Variants in LGALS8 observed in about 807,000 individuals in gnomAD.
The protein encoded by LGALS8 is galectin 8, also known as galectin-8.
Under a neutral mutation model 35.9 loss-of-function variants are expected in LGALS8, and 30 were observed. The ratio of observed to expected loss-of-function variants is 0.83; its 90% confidence interval spans 0.62 to 1.13. The LOEUF (loss-of-function observed/expected upper bound fraction) is 1.13, where lower values mean the gene tolerates loss of function less well. Ranked by LOEUF, LGALS8 falls within the 50% of genes most tolerant of loss-of-function variation. The pLI, the probability that LGALS8 is intolerant of heterozygous loss-of-function variation, is 0.00. For missense variants in LGALS8, 366 were observed against 388.7 expected (o/e 0.94, Z 0.49); for synonymous variants, 138 against 136.1 (o/e 1.01, Z -0.10).
rs1032454879 is a variant in LGALS8, at chr1:236,551,367, C to T, written c.*3206C>T. 9.6e-5 allele frequency: 18 copies of T among 186,702 alleles called. No individual in the cohort carries two copies. Among genetic ancestry groups the T allele is most frequent in the Non-Finnish European group, 1.3e-4 (12 of 90,920 alleles). The allele number at this position is 186,702 out of a possible 1,614,324, so 11.6% of individuals were successfully genotyped here. On this transcript the variant is annotated 3_prime_UTR_variant, in exon 10 of 10. Transcript: ENST00000366584. Reference sequence around the variant, plus strand: ...CTGATCTACTTGCTCCACCACCCCTCCCTTAATAATAACATTTACTGTTAT... The same window carrying T: ...CTGATCTACTTGCTCCACCACCCCTTCCTTAATAATAACATTTACTGTTAT...
upstream of LGALS8, among the ~76,000 whole-genome samples, chr1:236,520,380 A>T (rs1660517050): frequency 1.2e-4 from 1 of 8,196 alleles, no homozygotes; most frequent in East Asian, 0.12. Flanking sequence ...CTTCTCTTTA[A>T]AAAAAAAAAA....
chr1:236,550,848 AAT>A lies in LGALS8; in HGVS notation c.*2690_*2691del. 1 of 1,390,350 alleles carries A rather than the reference AAT, an allele frequency of 7.2e-7. No individual in the cohort carries two copies. The highest frequency in any genetic ancestry group is 9.9e-7 in the Non-Finnish European group (1 of 1,010,076). 86.1% of individuals were successfully genotyped at this position (1,390,350 alleles called of 1,614,324 possible). On this transcript the variant is annotated 3_prime_UTR_variant, in exon 10 of 10. Coordinates refer to ENST00000366584, the MANE Select transcript of LGALS8 (RefSeq NM_201544.4). ...ATGGCACCCAACACCCAAAAATAAA[AAT>A]ATGAAATATGAGTGTGAACTCTGAG...
intron 4 of LGALS8, chr1:236,540,284 G>A (rs1661887114): frequency 3.2e-6 from 1 of 307,908 alleles, no homozygotes. Context: ...TCACATGTAT[G>A]CAGAGGCGCA....
chr1:236,548,427 A>G lies in LGALS8; in HGVS notation c.*266A>G. 1 of 456,970 alleles carries G rather than the reference A, an allele frequency of 2.2e-6. No homozygotes were observed. Among genetic ancestry groups the G allele is most frequent in the Non-Finnish European group, 3.9e-6 (1 of 253,534 alleles). The allele number at this position is 456,970 out of a possible 1,614,324, so 28.3% of individuals were successfully genotyped here. On this transcript the variant is annotated 3_prime_UTR_variant, in exon 10 of 10. Transcript: ENST00000366584. Reference sequence around the variant, plus strand: ...CTTTGGCTGACTCTTCAAGAATGCCATTCAACAAGTATTTATGGAGTACCT... The same window carrying G: ...CTTTGGCTGACTCTTCAAGAATGCCGTTCAACAAGTATTTATGGAGTACCT...
chr1:236,543,747 T>A, intron 8 of LGALS8, 99 bp downstream of exon 8: 1 of 789,176 alleles, frequency 1.3e-6, no homozygotes, highest in Non-Finnish European at 2.2e-6. Flanking sequence ...AGGGCTAGCG[T>A]CAGAATCTTC....
In LGALS8 at chr1:236,551,793, G is replaced by A. The variant is rs1025880123; in HGVS notation, c.*3632G>A. 1 of 529,382 alleles carries A rather than the reference G, an allele frequency of 1.9e-6. No homozygotes were observed. Among genetic ancestry groups the A allele is most frequent in the African/African-American group, 1.9e-5 (1 of 51,890 alleles). 32.8% of individuals were successfully genotyped at this position (529,382 alleles called of 1,614,324 possible). A position where few individuals can be genotyped will look rare whatever the true frequency, so the allele number is the denominator to read the frequency against. On this transcript the variant is annotated 3_prime_UTR_variant, in exon 10 of 10. Transcript: ENST00000366584. Reference sequence around the variant, plus strand: ...ACGGACTCTCAAATGATCAGGAGGTGGTCACTTCGCAACTTGCTCCCTCCA... The same window carrying A: ...ACGGACTCTCAAATGATCAGGAGGTAGTCACTTCGCAACTTGCTCCCTCCA...
chr1:236,527,269 A>G (rs965479160), intron 2 of LGALS8, among the ~76,000 whole-genome samples: 1 of 152,180 alleles, frequency 6.6e-6, no homozygotes, highest in South Asian at 2.1e-4. Flanking sequence ...AAATTCGTGC[A>G]TATCTTGATT....
intron 5 of LGALS8, 75 bp from the exon 6 acceptor site, chr1:236,541,579 T>A: frequency 1.5e-6 from 1 of 653,742 alleles, no homozygotes; most frequent in Non-Finnish European, 2.5e-6. Context: ...ATAATTTTTT[T>A]ATATGTCAAT....
chr1:236,529,557 G>A (rs1213908750), intron 2 of LGALS8, among the ~76,000 whole-genome samples: 1 of 149,862 alleles, frequency 6.7e-6, no homozygotes, highest in Admixed American at 6.6e-5. Flanking sequence ...ACTGCATCCT[G>A]GGCGACAGAG....
chr1:236,527,743 T>A (rs889737487), intron 2 of LGALS8, among the ~76,000 whole-genome samples: 9 of 143,292 alleles, frequency 6.3e-5, no homozygotes, highest in East Asian at 2.1e-4. Context: ...TTTTTTTTTT[T>A]TAATTTTTTG....
intron 8 of LGALS8, among the ~76,000 whole-genome samples, chr1:236,544,516 C>T (rs1124907): frequency 0.61 from 92,854 of 151,882 alleles, 29,272 homozygotes; most frequent in Non-Finnish European, 0.69. Context: ...TCAGCCTCAA[C>T]GCTGATTTTA....
chr1:236,544,655 C>G lies in LGALS8; in HGVS notation c.639-95C>G, dbSNP rs1572018479. 17 of 899,436 alleles carry G rather than the reference C, an allele frequency of 1.9e-5. No homozygotes were observed. The East Asian group carries it at 4.3e-4, about 23-fold the overall frequency. 55.7% of individuals were successfully genotyped at this position (899,436 alleles called of 1,614,324 possible). On this transcript the variant is annotated intron_variant, in intron 8 of 9. Coordinates refer to ENST00000366584, the MANE Select transcript of LGALS8 (RefSeq NM_201544.4). ...TACGTGTGTTTCATAGAGTTAGAAT[C>G]ATAGTTCAAGTCTGGTCACTAACAT...
At position 236,537,560 on chromosome 1, in the gene LGALS8, G is replaced by T. The variant is rs1287895089; in HGVS notation, c.109G>T (p.Gly37Trp). 2 of 1,603,560 alleles carry T rather than the reference G, an allele frequency of 1.2e-6. No individual in the cohort carries two copies. Among genetic ancestry groups the T allele is most frequent in the Non-Finnish European group, 1.7e-6 (2 of 1,170,130 alleles). Residue 37 changes from glycine to tryptophan, a missense_variant, in exon 3 of 10, where the codon GGG (glycine) becomes TGG (tryptophan). Coordinates refer to ENST00000366584, the MANE Select transcript of LGALS8 (RefSeq NM_201544.4). Reference protein sequence around the residue: ...LDPGTLIVIRGHVPSDADRFQ... With the variant: ...LDPGTLIVIRWHVPSDADRFQ... ...TCCTGGAACTTTGATTGTGATACGT[G>T]GGCATGTTCCTAGTGACGCAGACAG...
chr1:236,544,383 AGAAG>A (rs1558167661), intron 8 of LGALS8, among the ~76,000 whole-genome samples: 3 of 152,198 alleles, frequency 2.0e-5, no homozygotes. Context: ...CATACTTTCA[AGAAG>A]GAAGGAACAC....
At chr1:236,543,423 C>T (rs1478721473) in intron 7 of LGALS8, 137 bp from the exon 8 acceptor site, 3 of 748,136 alleles carry the variant, frequency 4.0e-6, no homozygotes, top group Non-Finnish European at 7.2e-6. Context: ...CAGCTGGGAC[C>T]AAGGCAGACT....
At chr1:236,524,935 G>C (rs531167289) in intron 1 of LGALS8, among the ~76,000 whole-genome samples, 1 of 152,084 alleles carries the variant, frequency 6.6e-6, no homozygotes, top group Admixed American at 6.6e-5. Flanking sequence ...GTGTATTGTT[G>C]GTGTGCAGTA....
chr1:236,539,060 G>C lies in LGALS8; in HGVS notation c.316G>C (p.Val106Leu). The change falls in exon 4 of 10, where the codon GTG becomes CTG. Residue 106 changes from valine to leucine, a missense_variant. Coordinates refer to ENST00000366584, the MANE Select transcript of LGALS8 (RefSeq NM_201544.4). Reference protein sequence around the residue: ...PFKREKSFEIVIMVLKDKFQV... With the variant: ...PFKREKSFEILIMVLKDKFQV... Reference sequence around the variant, plus strand: ...CAAAAGAGAAAAGTCTTTTGAGATCGTGATTATGGTGCTGAAGGACAAATT... The same window carrying C: ...CAAAAGAGAAAAGTCTTTTGAGATCCTGATTATGGTGCTGAAGGACAAATT... The C allele has an allele frequency of 6.2e-7, 1 of 1,614,056 alleles. No individual in the cohort carries two copies. Among genetic ancestry groups the C allele is most frequent in the Non-Finnish European group, 8.5e-7 (1 of 1,180,008 alleles).
intron 2 of LGALS8, chr1:236,536,052 G>A (rs942791311): frequency 6.6e-6 from 1 of 152,266 alleles, no homozygotes; most frequent in African/African-American, 2.4e-5. Context: ...AGAATCCAAA[G>A]TGCTATCATG....
Position 236,544,879 on chromosome 1 carries a change from T to C in LGALS8, c.768T>C (p.Ile256=), listed in dbSNP as rs754682456. The change falls in exon 9 of 10, where the codon ATT becomes ATC. Residue 256 remains isoleucine (I), a synonymous_variant. Transcript: ENST00000366584. The part of the protein sequence containing the change: ...QESWGEEERN[I]TSFPFSPGMY... ...CCTGGGGAGAAGAAGAGAGAAATAT[T>C]ACCTCTTTCCCATTTAGTCCTGGGA... 1 of 1,613,418 alleles carries C rather than the reference T, an allele frequency of 6.2e-7. No homozygotes were observed. Among genetic ancestry groups the C allele is most frequent in the Admixed American group, 1.7e-5 (1 of 59,920 alleles).
Sources: allele counts gnomAD v4.1 joint callset (sites outside exome capture counted in the v4.1 genomes callset), GRCh38; gene constraint gnomAD v4.1.1; transcripts MANE v1.5; gene names NCBI Gene and HGNC (gene_info 2026-07-23, HGNC 2026-07-21).